The following IRAK1BP1 variants were observed in gnomAD, a reference collection of about 807,000 sequenced individuals.
IRAK1BP1 encodes the protein interleukin-1 receptor-associated kinase 1-binding protein 1.
Under a neutral mutation model 28.0 loss-of-function variants are expected in IRAK1BP1, and 24 were observed. The observed-to-expected ratio is 0.86, with a 90% CI of 0.62 to 1.20. The LOEUF is 1.20. IRAK1BP1 is among the 50% of genes most tolerant of loss of function. The pLI, the probability that IRAK1BP1 is intolerant of heterozygous loss-of-function variation, is 0.00. For synonymous variants in IRAK1BP1, 131 were observed against 116.3 expected (o/e 1.13, Z -0.81); for missense variants, 336 against 316.7 (o/e 1.06, Z -0.46).
At chr6:78,885,602 A>C (rs575229275) in intron 2 of IRAK1BP1, among the ~76,000 whole-genome samples, 159 bp downstream of exon 2, 1 of 152,154 alleles carries the variant, frequency 6.6e-6, no homozygotes, top group Non-Finnish European at 1.5e-5. Context: ...TTCGGCTTTT[A>C]AATAAACTTG....
In IRAK1BP1 at chr6:78,902,835, T is replaced by A; in HGVS notation, c.*4501T>A. ...ACATACATACATAAAATGCCCAGTA[T>A]CTTACAAGACTGTAGTTCACAGTGG... is the stretch of plus-strand genomic sequence containing the variant. On this transcript the variant is annotated 3_prime_UTR_variant, in exon 4 of 4. Coordinates refer to ENST00000369940, the MANE Select transcript of IRAK1BP1 (RefSeq NM_001010844.4). 2 of 576,752 alleles carry A rather than the reference T, an allele frequency of 3.5e-6. No individual in the cohort carries two copies. Among genetic ancestry groups the A allele is most frequent in the South Asian group, 2.3e-5 (1 of 44,386 alleles). 35.7% of individuals were successfully genotyped at this position (576,752 alleles called of 1,614,324 possible).
chr6:78,944,170 GT>G (rs929872539), intron 4 of IRAK1BP1, among the ~76,000 whole-genome samples: 1 of 152,048 alleles, frequency 6.6e-6, no homozygotes, highest in African/African-American at 2.4e-5. Flanking sequence ...GAACTTCTAA[GT>G]GTTTAGGATG....
intron 2 of IRAK1BP1, among the ~76,000 whole-genome samples, chr6:78,895,375 G>A (rs1008241897): frequency 7.2e-5 from 11 of 152,084 alleles, no homozygotes; most frequent in African/African-American, 2.7e-4. Flanking sequence ...TTTGAGGTCA[G>A]AAGATAACCA....
chr6:78,922,010 A>C (rs980672805), intron 4 of IRAK1BP1, among the ~76,000 whole-genome samples: 6 of 152,244 alleles, frequency 3.9e-5, no homozygotes, highest in African/African-American at 1.4e-4. Flanking sequence ...TCTAAAAATC[A>C]GAGAGGCTAT....
At chr6:78,978,934 G>C in the IRAK1BP1 span, among the ~76,000 whole-genome samples, 1 of 152,024 alleles carries the variant, frequency 6.6e-6, no homozygotes, top group African/African-American at 2.4e-5. Context: ...AGTTCCAACA[G>C]GCAAAACTTG....
At chr6:78,882,795 A>G (rs529037485) in intron 1 of IRAK1BP1, among the ~76,000 whole-genome samples, 1 of 152,266 alleles carries the variant, frequency 6.6e-6, no homozygotes, top group African/African-American at 2.4e-5. Context: ...ATCCAAATAA[A>G]GTTTGGAGTT....
At chr6:78,965,950 A>G in the IRAK1BP1 span, 1 of 1,596,840 alleles carries the variant, frequency 6.3e-7, no homozygotes, top group Non-Finnish European at 8.6e-7. Context: ...CTTACCAAAC[A>G]TTGTAGCATT....
At chr6:78,936,381 A>G (rs1028645353) in intron 4 of IRAK1BP1, 1 of 151,900 alleles carries the variant, frequency 6.6e-6, no homozygotes, top group Non-Finnish European at 1.5e-5. Flanking sequence ...GTCTTCTTGC[A>G]GTTTTAATAT....
chr6:78,871,620 C>T lies in IRAK1BP1; in HGVS notation c.315+3729C>T, dbSNP rs145186327. ...ACCTAATCCCAAGTATGATGGTATT[C>T]GGAGGAGGCTTTTAGGAGGTGATTG... On this transcript the variant is annotated intron_variant, in intron 1 of 3. Transcript: ENST00000369940. The T allele has an allele frequency of 2.7e-4, 217 of 790,506 alleles. 2 individuals carry two copies. The South Asian group carries it at 5.8e-3, about 21-fold the overall frequency. 49.0% of individuals were successfully genotyped at this position (790,506 alleles called of 1,614,324 possible).
At chr6:78,909,392 C>T (rs1772346004) in intron 4 of IRAK1BP1, among the ~76,000 whole-genome samples, 1 of 152,204 alleles carries the variant, frequency 6.6e-6, no homozygotes, top group Non-Finnish European at 1.5e-5. Context: ...GCACAGCCTC[C>T]TTCTCTTTCC....
intron 4 of IRAK1BP1, among the ~76,000 whole-genome samples, chr6:78,943,566 G>A (rs1037371270): frequency 1.3e-5 from 2 of 152,052 alleles, no homozygotes; most frequent in East Asian, 1.9e-4. Context: ...CTGTATAATG[G>A]GCATTAAAAA....
the IRAK1BP1 span, among the ~76,000 whole-genome samples, chr6:78,954,090 C>A: frequency 6.6e-6 from 1 of 152,018 alleles, no homozygotes; most frequent in Admixed American, 6.6e-5. Context: ...CAGTGCTTCA[C>A]ATTTAAAACT....
chr6:78,932,899 T>C (rs1243325650), intron 4 of IRAK1BP1, among the ~76,000 whole-genome samples: 1 of 152,142 alleles, frequency 6.6e-6, no homozygotes, highest in Non-Finnish European at 1.5e-5. Context: ...AAGGTATCTT[T>C]TTTATTTTTT....
intron 4 of IRAK1BP1, among the ~76,000 whole-genome samples, chr6:78,932,789 G>A (rs1263379983): frequency 6.6e-6 from 1 of 152,146 alleles, no homozygotes; most frequent in Admixed American, 6.6e-5. Context: ...GGTGCAGAAC[G>A]GATGTTGTGT....
At position 78,885,803 on chromosome 6, in the gene IRAK1BP1, TG is replaced by T. The variant is rs905658171; in HGVS notation, c.381+361del. ...TTTGAAATGCTTTTCAACATTCTTT[TG>T]TTTTTCAGTGCAATTTTACTGTATT... On this transcript the variant is annotated intron_variant, in intron 2 of 3. Transcript: ENST00000369940. 3.3e-5 allele frequency among the ~76,000 whole-genome samples: 5 copies of T among 152,350 alleles called. No homozygotes were observed. The Middle Eastern group carries it at 0.01, about 311-fold the overall frequency.
In IRAK1BP1 at chr6:78,871,819, A is replaced by C. The variant is rs1770802717; in HGVS notation, c.315+3928A>C. 7 of 397,544 alleles carry C rather than the reference A, an allele frequency of 1.8e-5. No individual in the cohort carries two copies. The East Asian group carries it at 3.0e-4, about 17-fold the overall frequency. The allele number at this position is 397,544 out of a possible 1,614,324, so 24.6% of individuals were successfully genotyped here. ...ATTCTCTTGACAGTGGATAATTGAG[A>C]TTTTAGGTAGGGAAGATGTCACTGA... On this transcript the variant is annotated intron_variant, in intron 1 of 3. Transcript: ENST00000369940.
intron 2 of IRAK1BP1, among the ~76,000 whole-genome samples, chr6:78,885,734 A>G (rs950152428): frequency 2.6e-5 from 4 of 152,160 alleles, no homozygotes; most frequent in Admixed American, 2.6e-4. Context: ...CAGGAGAGAA[A>G]TTTCTTTTTA....
At chr6:78,881,993 G>T (rs987116019) in intron 1 of IRAK1BP1, among the ~76,000 whole-genome samples, 3 of 152,018 alleles carry the variant, frequency 2.0e-5, no homozygotes, top group Non-Finnish European at 4.4e-5. Context: ...TTACATGTAA[G>T]TTAGTATCTG....
the IRAK1BP1 span, among the ~76,000 whole-genome samples, chr6:78,978,081 A>G: frequency 6.6e-6 from 1 of 152,122 alleles, no homozygotes; most frequent in South Asian, 2.1e-4. Context: ...TCACAAGTAC[A>G]TATTCTAAAA....
Sources: gnomAD v4.1 joint callset for allele counts (sites outside exome capture counted in the v4.1 genomes callset) on GRCh38, gnomAD v4.1.1 for gene constraint, MANE v1.5 for transcripts, NCBI Gene and HGNC (gene_info 2026-07-23, HGNC 2026-07-21) for gene names.